The following WDR88 variants were observed in gnomAD, a reference collection of about 807,000 sequenced individuals.
WDR88 encodes WD repeat domain 88.
A neutral mutation model predicts 46.8 loss-of-function variants in WDR88; 40 were observed. That is an observed-to-expected ratio of 0.86 (90% CI 0.66 to 1.11). WDR88 has a LOEUF of 1.11. Among genes scored for constraint, WDR88 ranks in the 50% most tolerant of loss-of-function variants. WDR88 has a pLI of 0.00. For missense variants in WDR88, 562 were observed against 602.4 expected (o/e 0.93, Z 0.70); for synonymous variants, 235 against 240.7 (o/e 0.98, Z 0.22).
In WDR88 at chr19:33,175,464, C is replaced by G. The variant is rs760463708; in HGVS notation, c.1311C>G (p.Cys437Trp). The G allele has an allele frequency of 2.1e-5, 34 of 1,614,040 alleles. No homozygotes were observed. Among genetic ancestry groups the G allele is most frequent in the Non-Finnish European group, 2.9e-5 (34 of 1,180,032 alleles). The change falls in exon 11 of 11, where the codon TGC becomes TGG. Residue 437 changes from cysteine to tryptophan, a missense_variant. Coordinates refer to ENST00000355868, the MANE Select transcript of WDR88 (RefSeq NM_173479.4). ...CCTCTTCTGAAATGTTCACCCAATGCGTGTTCTGCCGGATAGATACAAGGG... is the reference window on the plus strand; with the variant it reads ...CCTCTTCTGAAATGTTCACCCAATGGGTGTTCTGCCGGATAGATACAAGGG... ...SDTSSEMFTQ[C>W]VFCRIDTRGL...
intron 1 of WDR88, among the ~76,000 whole-genome samples, chr19:33,133,443 G>A (rs1314555519): frequency 1.3e-5 from 2 of 152,064 alleles, no homozygotes; most frequent in South Asian, 4.2e-4. Context: ...AGCTACTCAG[G>A]AGGCTGAGGC....
At chr19:33,165,736 T>C (rs904659252) in intron 9 of WDR88, among the ~76,000 whole-genome samples, 9 of 150,942 alleles carry the variant, frequency 6.0e-5, no homozygotes, top group African/African-American at 1.9e-4. Context: ...TTACTAAAAA[T>C]ACAAAACTTA....
intron 9 of WDR88, among the ~76,000 whole-genome samples, chr19:33,165,620 A>C (rs1265893579): frequency 6.6e-6 from 1 of 152,130 alleles, no homozygotes; most frequent in African/African-American, 2.4e-5. Flanking sequence ...TGGCCAGGTG[A>C]AGTGGCTCAC....
At chr19:33,173,045 T>C (rs778431079) in intron 10 of WDR88, among the ~76,000 whole-genome samples, 67 of 131,150 alleles carry the variant, frequency 5.1e-4, no homozygotes, top group South Asian at 2.1e-3. Context: ...TGAGTTGAGA[T>C]TGCGCCACTG....
chr19:33,150,309 G>A (rs1397054916), intron 5 of WDR88, among the ~76,000 whole-genome samples: 5 of 152,008 alleles, frequency 3.3e-5, no homozygotes, highest in Non-Finnish European at 2.9e-5. Context: ...AAAATTAGCC[G>A]GGCGTGGTGG....
Position 33,175,651 on chromosome 19 carries a change from T to G in WDR88, c.*79T>G, listed in dbSNP as rs1320103267. 7.7e-6 allele frequency: 12 copies of G among 1,551,828 alleles called. No individual in the cohort carries two copies. The Admixed American group carries it at 8.7e-5, about 11-fold the overall frequency. On this transcript the variant is annotated 3_prime_UTR_variant, in exon 11 of 11. Coordinates refer to ENST00000355868, the MANE Select transcript of WDR88 (RefSeq NM_173479.4). ...TCGGGGCTTTGCAGGGGCTTTCTCT[T>G]GGGCCCCTCCCAGGCTCAGCAGGCC... is the stretch of plus-strand genomic sequence containing the variant.
intron 6 of WDR88, 123 bp from the exon 7 acceptor site, chr19:33,156,232 G>A (rs907018778): frequency 3.5e-5 from 33 of 940,442 alleles, no homozygotes; most frequent in South Asian, 2.2e-4. Flanking sequence ...CTCTTGGGGC[G>A]AAGTGCTAGC....
chr19:33,145,789 C>T (rs1973500220), intron 3 of WDR88, among the ~76,000 whole-genome samples: 1 of 151,804 alleles, frequency 6.6e-6, no homozygotes, highest in South Asian at 2.1e-4. Flanking sequence ...CCACCTCGGC[C>T]TCCCAAAGTG....
intron 2 of WDR88, among the ~76,000 whole-genome samples, chr19:33,140,142 A>G (rs1973359953): frequency 6.6e-6 from 1 of 152,036 alleles, no homozygotes; most frequent in Non-Finnish European, 1.5e-5. Flanking sequence ...ACAGGATAAC[A>G]CTAGAGGAAT....
chr19:33,146,926 G>GA (rs905458605), intron 3 of WDR88, among the ~76,000 whole-genome samples: 2 of 151,738 alleles, frequency 1.3e-5, no homozygotes, highest in African/African-American at 4.8e-5. Flanking sequence ...TTAGAAAAAT[G>GA]AAAAAAAGTC....
chr19:33,148,639 A>T (rs1006243292), intron 4 of WDR88, 133 bp from the exon 5 acceptor site: 1 of 1,085,722 alleles, frequency 9.2e-7, no homozygotes, highest in Middle Eastern at 2.7e-4. Context: ...GAGATCTTGC[A>T]TGTTTCCCAG....
At chr19:33,168,554 A>G (rs1973990145) in intron 9 of WDR88, among the ~76,000 whole-genome samples, 1 of 152,236 alleles carries the variant, frequency 6.6e-6, no homozygotes, top group Admixed American at 6.5e-5. Flanking sequence ...TAAATCTAAC[A>G]AAGGTGGTGA....
intron 6 of WDR88, 131 bp from the exon 7 acceptor site, chr19:33,156,224 C>G (rs1599901773): frequency 1.4e-5 from 12 of 858,230 alleles, no homozygotes; most frequent in Non-Finnish European, 2.1e-5. Context: ...TTCAGGTCCT[C>G]TTGGGGCGAA....
At chr19:33,134,920 C>T (rs1005434586) in intron 1 of WDR88, among the ~76,000 whole-genome samples, 1 of 150,406 alleles carries the variant, frequency 6.6e-6, no homozygotes, top group Admixed American at 6.7e-5. Context: ...CCCCTGTCCT[C>T]CTGCCAACTC....
chr19:33,143,321 G>C (rs1286367927), intron 2 of WDR88, among the ~76,000 whole-genome samples: 1 of 118,762 alleles, frequency 8.4e-6, no homozygotes, highest in Non-Finnish European at 1.6e-5. Context: ...GGTAACAACA[G>C]AGTGAGATCC....
At chr19:33,142,217 C>T (rs1002060775) in intron 2 of WDR88, among the ~76,000 whole-genome samples, 5 of 151,350 alleles carry the variant, frequency 3.3e-5, no homozygotes, top group Admixed American at 2.6e-4. Context: ...CAGGGGGGGA[C>T]GAAGATGGAA....
chr19:33,175,358 G>A (rs765824963), intron 10 of WDR88, 38 bp from the exon 11 acceptor site: 67 of 1,605,154 alleles, frequency 4.2e-5, no homozygotes, highest in Non-Finnish European at 5.3e-5. Context: ...CCTCTGACCA[G>A]CACCTCCTTT....
intron 2 of WDR88, chr19:33,142,878 A>AAAAAAAAAAAAAAAAAAAAAAAG (rs1289318961): frequency 7.0e-6 from 1 of 142,874 alleles, no homozygotes; most frequent in African/African-American, 2.7e-5. Context: ...AAAAAAAAAA[A>AAAAAAAAAAAAAAAAAAAAAAAG]AAGGCCGGGG....
intron 10 of WDR88, among the ~76,000 whole-genome samples, 155 bp downstream of exon 10, chr19:33,172,595 GA>G (rs1974056711): frequency 6.6e-6 from 1 of 152,134 alleles, no homozygotes; most frequent in Non-Finnish European, 1.5e-5. Flanking sequence ...TCTAAGAGAG[GA>G]AACAAAGAGG....
Sources: gnomAD v4.1 joint callset for allele counts (sites outside exome capture counted in the v4.1 genomes callset) on GRCh38, gnomAD v4.1.1 for gene constraint, MANE v1.5 for transcripts, NCBI Gene and HGNC (gene_info 2026-07-23, HGNC 2026-07-21) for gene names.